PTPRN2: variants seen among roughly 807,000 people sequenced by gnomAD.
The protein encoded by PTPRN2 is receptor-type tyrosine-protein phosphatase N2.
PTPRN2 carries 74 observed loss-of-function variants against 118.8 expected under a neutral mutation model. The ratio of observed to expected loss-of-function variants is 0.62; its 90% CI spans 0.52 to 0.76. The LOEUF is 0.76. PTPRN2 is among the 30% of genes least tolerant of loss of function. PTPRN2 has a pLI of 0.00. For synonymous variants in PTPRN2, 641 were observed against 608.0 expected (o/e 1.05, Z -0.80); for missense variants, 1,481 against 1,394.4 (o/e 1.06, Z -0.99).
chr7:158,384,891 G>A (rs1354125178), intron 2 of PTPRN2, among the ~76,000 whole-genome samples: 3 of 152,008 alleles, frequency 2.0e-5, no homozygotes, highest in Non-Finnish European at 4.4e-5. Flanking sequence ...GCAGCATGTG[G>A]GCTATGCGCA....
chr7:157,908,586 C>A (rs1487250377), intron 11 of PTPRN2, among the ~76,000 whole-genome samples: 1 of 152,230 alleles, frequency 6.6e-6, no homozygotes, highest in African/African-American at 2.4e-5. Flanking sequence ...ACCCCACAAT[C>A]CCTTTCACTT....
At chr7:158,287,022 A>G (rs530738263) in intron 3 of PTPRN2, among the ~76,000 whole-genome samples, 40 of 152,086 alleles carry the variant, frequency 2.6e-4, no homozygotes, top group African/African-American at 9.4e-4. Flanking sequence ...TCAAATCTCC[A>G]TATTTGTTAT....
Position 157,987,743 on chromosome 7 carries a change from G to A in PTPRN2, c.1724-89006C>T, listed in dbSNP as rs1379621678. 6.6e-6 allele frequency among the ~76,000 whole-genome samples: 1 copy of A among 152,180 alleles called. No individual in the cohort carries two copies. Among genetic ancestry groups the A allele is most frequent in the Admixed American group, 6.5e-5 (1 of 15,288 alleles). ...GCAGTGTGGGATCCACAGTTACAGA[G>A]CGGATGGGGGACTAAGAACATCCAT... On this transcript the variant is annotated intron_variant, in intron 11 of 22. Coordinates refer to ENST00000389418, the MANE Select transcript of PTPRN2 (RefSeq NM_002847.5). The surrounding 1 kb of genome is among the most constrained non-coding windows in gnomAD (Gnocchi z 4.3).
chr7:157,792,266 G>C (rs1804555601), intron 12 of PTPRN2, among the ~76,000 whole-genome samples: 1 of 152,254 alleles, frequency 6.6e-6, no homozygotes, highest in Non-Finnish European at 1.5e-5. Context: ...GGAGAGGCCA[G>C]GCGCCCGCAG....
chr7:157,700,365 C>G (rs1400092125), intron 12 of PTPRN2, among the ~76,000 whole-genome samples: 2 of 152,188 alleles, frequency 1.3e-5, no homozygotes, highest in African/African-American at 4.8e-5. Flanking sequence ...AAAAACCAGG[C>G]TCACTTGTCC....
intron 11 of PTPRN2, among the ~76,000 whole-genome samples, chr7:157,916,345 T>C (rs1798393980): frequency 6.6e-6 from 1 of 152,192 alleles, no homozygotes; most frequent in Non-Finnish European, 1.5e-5. Flanking sequence ...CTGGAGCCTC[T>C]GGGAGGTGTT....
chr7:158,582,579 A>G (rs1828686385), intron 1 of PTPRN2, among the ~76,000 whole-genome samples: 1 of 152,070 alleles, frequency 6.6e-6, no homozygotes, highest in Non-Finnish European at 1.5e-5. Flanking sequence ...TTCATTTTTA[A>G]TATTTTTTGT....
At chr7:158,005,868 G>A (rs534750192) in intron 11 of PTPRN2, among the ~76,000 whole-genome samples, 18 of 152,338 alleles carry the variant, frequency 1.2e-4, no homozygotes, top group South Asian at 2.1e-4. Context: ...GTGCAAATGC[G>A]TGTCTCTAGT....
chr7:157,678,884 G>A (rs1343738576), intron 13 of PTPRN2, among the ~76,000 whole-genome samples: 1 of 152,128 alleles, frequency 6.6e-6, no homozygotes, highest in African/African-American at 2.4e-5. Context: ...TCAAGGAAAT[G>A]GATGCAACAT....
chr7:158,538,274 T>C (rs934368494), intron 1 of PTPRN2, among the ~76,000 whole-genome samples: 7 of 152,188 alleles, frequency 4.6e-5, no homozygotes, highest in African/African-American at 1.4e-4. Flanking sequence ...TCTCGGAAAG[T>C]GTTTCGAGAC....
intron 1 of PTPRN2, among the ~76,000 whole-genome samples, chr7:158,514,467 C>A (rs1823394306): frequency 6.6e-6 from 1 of 152,150 alleles, no homozygotes. Context: ...TGCAATTAAA[C>A]CTCTGTGGTC....
chr7:158,547,623 G>A (rs73510559), intron 1 of PTPRN2, among the ~76,000 whole-genome samples: 5,525 of 152,300 alleles, frequency 0.036, 336 homozygotes, highest in African/African-American at 0.12. Flanking sequence ...GTTGGAGGAC[G>A]GAAGAGGCAG....
At chr7:158,561,419 C>A (rs749164350) in intron 1 of PTPRN2, among the ~76,000 whole-genome samples, 13 of 152,172 alleles carry the variant, frequency 8.5e-5, no homozygotes, top group African/African-American at 2.4e-5. Context: ...CATGGGTGAC[C>A]TTGAGCAACT....
chr7:157,754,835 A>T (rs1801687013), intron 12 of PTPRN2, among the ~76,000 whole-genome samples: 1 of 152,140 alleles, frequency 6.6e-6, no homozygotes. Context: ...CTTCATGAAC[A>T]CTCTGCAGCG....
intron 2 of PTPRN2, among the ~76,000 whole-genome samples, chr7:158,325,042 C>A (rs1803375153): frequency 6.6e-6 from 1 of 152,208 alleles, no homozygotes; most frequent in Non-Finnish European, 1.5e-5. Context: ...ACAGGGGGTC[C>A]CCCAGTCCCC....
chr7:157,927,016 G>A (rs903486460), intron 11 of PTPRN2, among the ~76,000 whole-genome samples: 2 of 139,278 alleles, frequency 1.4e-5, no homozygotes, highest in African/African-American at 5.1e-5. Context: ...GCGTCTTCTG[G>A]GACCCCAAAG....
chr7:158,489,646 C>T (rs1821291533), intron 2 of PTPRN2, 89 bp downstream of exon 2: 3 of 1,377,624 alleles, frequency 2.2e-6, no homozygotes, highest in Non-Finnish European at 2.9e-6. Flanking sequence ...CAGCTCCAGG[C>T]CAGCGGCGGG....
intron 12 of PTPRN2, among the ~76,000 whole-genome samples, chr7:157,749,317 GTCTGGGTGATTCTGAGGCC>G (rs1244448046): frequency 7.2e-6 from 1 of 138,628 alleles, no homozygotes; most frequent in Admixed American, 7.6e-5. Context: ...GGTGCGGGGT[GTCTGGGTGATTCTGAGGCC>G]TGCGTCCCTG....
Position 157,618,716 on chromosome 7 carries a change from G to T in PTPRN2, c.2344+2646C>A, listed in dbSNP as rs995707916. 3 of 152,282 alleles carry T rather than the reference G, an allele frequency of 2.0e-5. No individual in the cohort carries two copies. The highest frequency in any genetic ancestry group is 4.4e-5 in the Non-Finnish European group (3 of 68,062). The allele number at this position is 152,282 out of a possible 1,614,324, so 9.4% of individuals were successfully genotyped here. ...AAAGCAAGATGGCCAAGAGTATGGA[G>T]AAGAAAGTAGGTAATACAAGTTTGC... On this transcript the variant is annotated intron_variant, in intron 15 of 22. Coordinates refer to ENST00000389418, the MANE Select transcript of PTPRN2 (RefSeq NM_002847.5). This position sits in a 1 kb window ranked among gnomAD's most constrained non-coding sequence, Gnocchi z 4.2.
Sources: gnomAD v4.1 joint callset for allele counts (sites outside exome capture counted in the v4.1 genomes callset) on GRCh38, gnomAD v4.1.1 for gene constraint, Gnocchi (gnomAD v3.1) non-coding constraint, MANE v1.5 for transcripts, NCBI Gene and HGNC (gene_info 2026-07-23, HGNC 2026-07-21) for gene names.